Variants in HIP1 observed in about 807,000 individuals in gnomAD.
HIP1 encodes the protein huntingtin-interacting protein 1.
In HIP1, 65 loss-of-function variants were observed where a neutral mutation model predicts 147.6. The observed-to-expected ratio is 0.44, with a 90% CI of 0.36 to 0.54. HIP1 has a LOEUF of 0.54. Ranked by LOEUF, HIP1 falls within the 20% of genes least tolerant of loss-of-function variation. The pLI is 0.00. For synonymous variants in HIP1, 479 were observed against 504.0 expected (o/e 0.95, Z 0.67); for missense variants, 1,061 against 1,299.6 (o/e 0.82, Z 2.82).
At position 75,722,747 on chromosome 7, in the gene HIP1, A is replaced by T. The variant is rs1263552697; in HGVS notation, c.120+16054T>A. Among the ~76,000 whole-genome samples, 3 of 151,972 alleles carry T rather than the reference A, an allele frequency of 2.0e-5. 1 individual carries two copies. Among genetic ancestry groups the T allele is most frequent in the African/African-American group, 2.4e-5 (1 of 41,382 alleles). The stretch of plus-strand genomic sequence containing the variant: ...TCTAATAGACAGCATAGCACTTGAT[A>T]AAAAAAAATTTTTTTTAAGGTTAAG... On this transcript the variant is annotated intron_variant, in intron 1 of 30. Coordinates refer to ENST00000336926, the MANE Select transcript of HIP1 (RefSeq NM_005338.7).
intron 1 of HIP1, among the ~76,000 whole-genome samples, chr7:75,659,374 C>T (rs1799235422): frequency 6.6e-6 from 1 of 152,146 alleles, no homozygotes; most frequent in Non-Finnish European, 1.5e-5. Context: ...GAAACATAAG[C>T]AGGGCCGGCC....
At chr7:75,678,882 T>G (rs1799977928) in intron 1 of HIP1, among the ~76,000 whole-genome samples, 1 of 152,152 alleles carries the variant, frequency 6.6e-6, no homozygotes, top group African/African-American at 2.4e-5. Context: ...TACCTAACCT[T>G]AAGAAGTAAG....
At chr7:75,605,280 G>A (rs971916330) in intron 1 of HIP1, among the ~76,000 whole-genome samples, 1 of 152,190 alleles carries the variant, frequency 6.6e-6, no homozygotes, top group African/African-American at 2.4e-5. Flanking sequence ...GGACACAGAT[G>A]ACAGGCCTTC....
At chr7:75,574,589 CAAA>C (rs67839568) in intron 7 of HIP1, among the ~76,000 whole-genome samples, 2 of 108,620 alleles carry the variant, frequency 1.8e-5, no homozygotes, top group Non-Finnish European at 1.9e-5. Context: ...GACACCATCT[CAAA>C]AAAAAAAAAA....
intron 1 of HIP1, among the ~76,000 whole-genome samples, chr7:75,724,529 T>C (rs1762133012): frequency 6.6e-6 from 1 of 152,122 alleles, no homozygotes; most frequent in Non-Finnish European, 1.5e-5. Context: ...ATTACAGATG[T>C]GAGCCACTGC....
chr7:75,541,996 C>T lies in HIP1; in HGVS notation c.2891-16G>A. 6.2e-7 allele frequency: 1 copy of T among 1,611,482 alleles called. No homozygotes were observed. Among genetic ancestry groups the T allele is most frequent in the Non-Finnish European group, 8.5e-7 (1 of 1,177,578 alleles). ...TCCATGTTGTCTGCAAGGATGGAAA[C>T]AAGAAGGTCTCATCAAATTCTACCC... On this transcript the variant is annotated splice_polypyrimidine_tract_variant and intron_variant, in intron 28 of 30. Transcript: ENST00000336926.
intron 1 of HIP1, among the ~76,000 whole-genome samples, chr7:75,726,333 G>C (rs1257594481): frequency 2.6e-5 from 4 of 151,474 alleles, no homozygotes; most frequent in Admixed American, 1.3e-4. Context: ...TCCCAGACTG[G>C]AGTGCAATGG....
intron 1 of HIP1, among the ~76,000 whole-genome samples, chr7:75,681,524 T>TTTTTA (rs1800070245): frequency 8.6e-6 from 1 of 115,706 alleles, no homozygotes; most frequent in Non-Finnish European, 1.8e-5. Context: ...TTTTTTTTTT[T>TTTTTA]GAGACAGGGT....
chr7:75,639,080 C>T, intron 1 of HIP1: 2 of 984,692 alleles, frequency 2.0e-6, no homozygotes, highest in Non-Finnish European at 2.4e-6. Flanking sequence ...ACCGAGGCTG[C>T]GGGGCACCCC....
chr7:75,666,954 G>A (rs1799582901), intron 1 of HIP1, among the ~76,000 whole-genome samples: 1 of 152,024 alleles, frequency 6.6e-6, no homozygotes, highest in Non-Finnish European at 1.5e-5. Flanking sequence ...TATAGTATGA[G>A]CACAGTTTTA....
chr7:75,664,508 A>G (rs1234423496), intron 1 of HIP1, among the ~76,000 whole-genome samples: 1 of 149,588 alleles, frequency 6.7e-6, no homozygotes, highest in Non-Finnish European at 1.5e-5. Context: ...ATATATATGT[A>G]TGTGTATGTA....
At chr7:75,730,674 G>A (rs1351147738) in intron 1 of HIP1, among the ~76,000 whole-genome samples, 3 of 151,550 alleles carry the variant, frequency 2.0e-5, no homozygotes, top group Non-Finnish European at 4.4e-5. Flanking sequence ...TGTGTTGCAA[G>A]GATCGAAAAG....
chr7:75,591,196 C>G (rs1243499522), intron 4 of HIP1, among the ~76,000 whole-genome samples: 2 of 152,098 alleles, frequency 1.3e-5, no homozygotes, highest in Admixed American at 6.6e-5. Flanking sequence ...CCACACCCAG[C>G]TAATTTTTGT....
intron 1 of HIP1, among the ~76,000 whole-genome samples, chr7:75,705,094 T>C (rs748983507): frequency 1.2e-4 from 18 of 152,214 alleles, no homozygotes; most frequent in Non-Finnish European, 2.2e-4. Context: ...TTCACACTAT[T>C]GTACAACCAT....
intron 27 of HIP1, among the ~76,000 whole-genome samples, chr7:75,543,727 C>T (rs914780742): frequency 1.3e-5 from 2 of 152,162 alleles, no homozygotes; most frequent in Admixed American, 1.3e-4. Context: ...ATTCCTTATT[C>T]GAGTGTTTCT....
chr7:75,557,611 C>A, intron 16 of HIP1, 43 bp downstream of exon 16: 1 of 1,439,044 alleles, frequency 6.9e-7, no homozygotes, highest in Non-Finnish European at 9.8e-7. Context: ...ACCAACTCAA[C>A]AGCCCCCTCC....
chr7:75,616,741 G>A (rs1554506128), intron 1 of HIP1, among the ~76,000 whole-genome samples: 2 of 152,176 alleles, frequency 1.3e-5, no homozygotes, highest in African/African-American at 4.8e-5. Context: ...CAGCCTATGA[G>A]GGTGGATGTC....
intron 1 of HIP1, among the ~76,000 whole-genome samples, chr7:75,675,919 T>A (rs534969602): frequency 1.4e-4 from 21 of 152,252 alleles, no homozygotes; most frequent in Middle Eastern, 3.4e-3. Context: ...ATAAATAAAT[T>A]GTCGAATAAT....
At chr7:75,630,527 G>A (rs1798177771) in intron 1 of HIP1, among the ~76,000 whole-genome samples, 1 of 151,868 alleles carries the variant, frequency 6.6e-6, no homozygotes, top group South Asian at 2.1e-4. Context: ...GAGATAGGGA[G>A]TGTGCCTACT....
Sources: gnomAD v4.1 joint callset for allele counts (sites outside exome capture counted in the v4.1 genomes callset) on GRCh38, gnomAD v4.1.1 for gene constraint, MANE v1.5 for transcripts, NCBI Gene and HGNC (gene_info 2026-07-23, HGNC 2026-07-21) for gene names.